The following PARD3B variants were observed in gnomAD, a reference collection of about 807,000 sequenced individuals.
PARD3B encodes partitioning defective 3 homolog B.
PARD3B carries 103 observed loss-of-function variants against 130.2 expected under a neutral mutation model. That is an observed-to-expected ratio of 0.79 (90% CI 0.67 to 0.93). The LOEUF is 0.93. PARD3B is among the 40% of genes least tolerant of loss of function. The pLI, the probability that PARD3B is intolerant of heterozygous loss-of-function variation, is 0.00. For synonymous variants in PARD3B, 583 were observed against 553.2 expected (o/e 1.05, Z -0.76); for missense variants, 1,609 against 1,499.2 (o/e 1.07, Z -1.21).
At chr2:204,680,801 A>G (rs1460490767) in intron 1 of PARD3B, among the ~76,000 whole-genome samples, 1 of 151,718 alleles carries the variant, frequency 6.6e-6, no homozygotes, top group Non-Finnish European at 1.5e-5. Context: ...TTTTTGAGAT[A>G]TTTTTCTGTG....
At chr2:204,766,965 CTTT>C (rs68009060) in intron 2 of PARD3B, among the ~76,000 whole-genome samples, 1 of 114,486 alleles carries the variant, frequency 8.7e-6, no homozygotes, top group African/African-American at 3.4e-5. Flanking sequence ...TTTTCTTTTT[CTTT>C]TTTTTTTTTT....
intron 1 of PARD3B, among the ~76,000 whole-genome samples, chr2:204,575,143 C>T (rs1248455363): frequency 6.6e-6 from 1 of 152,110 alleles, no homozygotes; most frequent in African/African-American, 2.4e-5. Context: ...ATAACTTAAC[C>T]TAAGACAGTA....
intron 11 of PARD3B, among the ~76,000 whole-genome samples, chr2:205,163,257 T>A (rs2034611024): frequency 6.6e-6 from 1 of 152,184 alleles, no homozygotes; most frequent in South Asian, 2.1e-4. Flanking sequence ...AAGAATGTCG[T>A]ATATCAGGTA....
At chr2:204,985,964 G>C (rs1325224100) in intron 3 of PARD3B, among the ~76,000 whole-genome samples, 1 of 151,916 alleles carries the variant, frequency 6.6e-6, no homozygotes, top group African/African-American at 2.4e-5. Flanking sequence ...AGCCGGGCGT[G>C]ATGGCAGGCG....
chr2:205,495,417 A>G (rs747959494), intron 20 of PARD3B, among the ~76,000 whole-genome samples: 1 of 152,218 alleles, frequency 6.6e-6, no homozygotes, highest in Non-Finnish European at 1.5e-5. Context: ...CCAGGGCTTT[A>G]CTTCATTCAG....
At chr2:205,540,926 T>A (rs896651043) in intron 21 of PARD3B, among the ~76,000 whole-genome samples, 2 of 152,214 alleles carry the variant, frequency 1.3e-5, no homozygotes, top group African/African-American at 4.8e-5. Context: ...AAGGAAATTA[T>A]GTTGGTGAAA....
chr2:205,500,209 A>C (rs1157201984), intron 21 of PARD3B, among the ~76,000 whole-genome samples, 178 bp downstream of exon 21: 1 of 152,160 alleles, frequency 6.6e-6, no homozygotes, highest in Non-Finnish European at 1.5e-5. Context: ...GTTTATGGAA[A>C]TCAAACGCCG....
At chr2:205,106,058 C>T (rs1703186092) in intron 5 of PARD3B, among the ~76,000 whole-genome samples, 1 of 151,882 alleles carries the variant, frequency 6.6e-6, no homozygotes, top group Non-Finnish European at 1.5e-5. Context: ...GCTGTATGAA[C>T]AAATTAGCCA....
intron 18 of PARD3B, among the ~76,000 whole-genome samples, chr2:205,348,447 G>A (rs1302187041): frequency 6.6e-6 from 1 of 152,210 alleles, no homozygotes; most frequent in African/African-American, 2.4e-5. Flanking sequence ...CCAAGTGTTG[G>A]TGAAGGAGTA....
chr2:205,248,625 T>TTTG (rs1559585013), intron 16 of PARD3B, among the ~76,000 whole-genome samples: 4 of 139,534 alleles, frequency 2.9e-5, no homozygotes, highest in Non-Finnish European at 6.1e-5. Context: ...TTTTTTTTTT[T>TTTG]TGAGACGGAG....
intron 2 of PARD3B, among the ~76,000 whole-genome samples, chr2:204,951,918 C>G (rs1397436917): frequency 1.3e-5 from 2 of 152,090 alleles, no homozygotes; most frequent in African/African-American, 4.8e-5. Flanking sequence ...CAGATCCTTT[C>G]TAGAGTTTTT....
intron 3 of PARD3B, among the ~76,000 whole-genome samples, chr2:205,026,147 A>G (rs778827911): frequency 1.1e-4 from 17 of 152,162 alleles, no homozygotes; most frequent in Non-Finnish European, 2.1e-4. Flanking sequence ...AAAATGAAAC[A>G]GGATAAAGGA....
intron 18 of PARD3B, among the ~76,000 whole-genome samples, chr2:205,313,098 G>C (rs934453980): frequency 2.6e-5 from 4 of 152,042 alleles, no homozygotes; most frequent in Non-Finnish European, 4.4e-5. Context: ...ATGTGAATAG[G>C]GCAAGTGATA....
chr2:204,893,834 T>G (rs1404382345), intron 2 of PARD3B, among the ~76,000 whole-genome samples: 3 of 152,158 alleles, frequency 2.0e-5, no homozygotes, highest in Admixed American at 6.6e-5. Flanking sequence ...GCCTTATGAA[T>G]AGAAAAGAGC....
chr2:204,972,921 C>T (rs1002780962), intron 3 of PARD3B, among the ~76,000 whole-genome samples: 40 of 152,024 alleles, frequency 2.6e-4, no homozygotes, highest in South Asian at 6.2e-4. Flanking sequence ...TTTGCAGAGG[C>T]CTAGTCCCTA....
rs764835390 is a variant in PARD3B at position 205,592,138 on chromosome 2, G to A, written c.3261-23318G>A. 2.0e-5 allele frequency among the ~76,000 whole-genome samples: 3 copies of A among 152,116 alleles called. No individual in the cohort carries two copies. The highest frequency in any genetic ancestry group is 4.8e-5 in the African/African-American group (2 of 41,424). On this transcript the variant is annotated intron_variant, in intron 22 of 22. Transcript: ENST00000406610. This position sits in a 1 kb window ranked among gnomAD's most constrained non-coding sequence, Gnocchi z 4.5. ...GCTTAGTATCATAATTCCCACTTCC[G>A]AGTGAAGAAAATAAACACAGAGAAG... is the stretch of plus-strand genomic sequence containing the variant.
At chr2:205,034,867 T>G (rs1697690802) in intron 3 of PARD3B, among the ~76,000 whole-genome samples, 1 of 152,166 alleles carries the variant, frequency 6.6e-6, no homozygotes, top group Non-Finnish European at 1.5e-5. Flanking sequence ...TGTTGTTGTT[T>G]GTTTATTGAG....
At chr2:205,103,747 C>G (rs1168390198) in intron 4 of PARD3B, 1 of 985,132 alleles carries the variant, frequency 1.0e-6, no homozygotes, top group Non-Finnish European at 1.2e-6. Context: ...TTCTAGAATC[C>G]ATCCTCTCCT....
Position 205,550,941 on chromosome 2 carries a change from G to GTGTGTGTA in PARD3B, c.3181-2382_3181-2381insGTGTGTAT, listed in dbSNP as rs1553542756. Among the ~76,000 whole-genome samples the GTGTGTGTA allele has an allele frequency of 8.7e-6, 1 of 114,762 alleles. No individual in the cohort carries two copies. Among genetic ancestry groups the GTGTGTGTA allele is most frequent in the Non-Finnish European group, 1.9e-5 (1 of 52,914 alleles). 75.3% of individuals were successfully genotyped at this position (114,762 alleles called of 152,430 possible). A position where few individuals can be genotyped will look rare whatever the true frequency, so the allele number is the denominator to read the frequency against. On this transcript the variant is annotated intron_variant, in intron 21 of 22. Coordinates refer to ENST00000406610, the MANE Select transcript of PARD3B (RefSeq NM_001302769.2). The surrounding 1 kb of genome is among the most constrained non-coding windows in gnomAD (Gnocchi z 4.5). ...TATAATTATGTGTGTGTGTGTGTGT[G>GTGTGTGTA]TATATATATATGTGTATATATATAT... is the stretch of plus-strand genomic sequence containing the variant.
Sources: allele counts gnomAD v4.1 joint callset (sites outside exome capture counted in the v4.1 genomes callset), GRCh38; gene constraint gnomAD v4.1.1; non-coding constraint Gnocchi (gnomAD v3.1); transcripts MANE v1.5; gene names NCBI Gene and HGNC (gene_info 2026-07-23, HGNC 2026-07-21).